Variants in KIFAP3 observed in about 807,000 individuals in gnomAD.
KIFAP3 encodes kinesin associated protein 3.
In KIFAP3, 68 loss-of-function variants were observed where a neutral mutation model predicts 106.5. That is an observed-to-expected ratio of 0.64 (90% CI 0.53 to 0.78). The LOEUF (loss-of-function observed/expected upper bound fraction) is 0.78. Ranked by LOEUF, KIFAP3 falls within the 30% of genes least tolerant of loss-of-function variation. The pLI, the probability that KIFAP3 is intolerant of heterozygous loss-of-function variation, is 0.00. For missense variants in KIFAP3, 780 were observed against 941.8 expected, an observed-to-expected ratio of 0.83 and a Z score of 2.25; for synonymous variants, 320 against 311.5, an observed-to-expected ratio of 1.03 and a Z score of -0.29.
At chr1:169,948,719 T>G (rs1664575838) in intron 19 of KIFAP3, among the ~76,000 whole-genome samples, 1 of 152,020 alleles carries the variant, frequency 6.6e-6, no homozygotes, top group African/African-American at 2.4e-5. Flanking sequence ...GAAGGAATTT[T>G]GCAGGCATAT....
At chr1:170,043,963 C>A (rs757287251) in intron 3 of KIFAP3, among the ~76,000 whole-genome samples, 1 of 151,946 alleles carries the variant, frequency 6.6e-6, no homozygotes, top group Non-Finnish European at 1.5e-5. Flanking sequence ...GAAAACTGAC[C>A]AAAAACTGCC....
At chr1:169,990,770 T>A (rs1356623542) in intron 11 of KIFAP3, among the ~76,000 whole-genome samples, 1 of 152,090 alleles carries the variant, frequency 6.6e-6, no homozygotes, top group Non-Finnish European at 1.5e-5. Flanking sequence ...GGACAGATAT[T>A]TATTTAGGTC....
chr1:170,035,966 A>G (rs1196254411), intron 5 of KIFAP3, among the ~76,000 whole-genome samples: 1 of 152,004 alleles, frequency 6.6e-6, no homozygotes, highest in Non-Finnish European at 1.5e-5. Context: ...ATAAGTCTAG[A>G]AAAAAATGAG....
intron 16 of KIFAP3, among the ~76,000 whole-genome samples, chr1:169,977,244 C>T (rs1168664265): frequency 6.6e-6 from 1 of 152,102 alleles, no homozygotes; most frequent in Non-Finnish European, 1.5e-5. Context: ...GCTTAAGAGG[C>T]TGTGTAGATG....
rs1371974744 is a variant in KIFAP3 at position 169,941,610 on chromosome 1, T to C, written c.2273+12401A>G. Among the ~76,000 whole-genome samples the C allele has an allele frequency of 2.0e-5, 3 of 152,152 alleles. No homozygotes were observed. In the East Asian group the frequency reaches 5.8e-4, roughly 29 times the overall value. ...GCTGATTTCCTTTTTTGATTTATTTTATAAAATTTCATATTTCCATATATA... is the reference window on the plus strand; with the variant it reads ...GCTGATTTCCTTTTTTGATTTATTTCATAAAATTTCATATTTCCATATATA... On this transcript the variant is annotated intron_variant, in intron 19 of 19. Transcript: ENST00000361580.
intron 19 of KIFAP3, among the ~76,000 whole-genome samples, chr1:169,925,259 T>C (rs1663073438): frequency 6.6e-6 from 1 of 152,012 alleles, no homozygotes; most frequent in Admixed American, 6.6e-5. Flanking sequence ...GACCTTTGAA[T>C]CACCAAAATA....
chr1:170,030,182 C>A (rs1669327232), intron 8 of KIFAP3, among the ~76,000 whole-genome samples: 1 of 151,718 alleles, frequency 6.6e-6, no homozygotes, highest in Admixed American at 6.6e-5. Flanking sequence ...AAAATTTCTG[C>A]AAATCATGTA....
At chr1:170,063,780 C>T (rs188181500) in intron 1 of KIFAP3, among the ~76,000 whole-genome samples, 9 of 152,234 alleles carry the variant, frequency 5.9e-5, no homozygotes, top group East Asian at 1.9e-4. Context: ...CTCAGTATTG[C>T]GGGACCTTTC....
chr1:170,082,441 T>G (rs578250167), intron 1 of KIFAP3, among the ~76,000 whole-genome samples: 17 of 152,338 alleles, frequency 1.1e-4, no homozygotes, highest in Non-Finnish European at 2.1e-4. Flanking sequence ...GTGGATAGAC[T>G]GCAGCCAGGC....
intron 11 of KIFAP3, among the ~76,000 whole-genome samples, chr1:169,991,301 G>A (rs141713163): frequency 6.6e-6 from 1 of 151,462 alleles, no homozygotes; most frequent in East Asian, 2.0e-4. Context: ...AGCTATGACT[G>A]TACCACTGAA....
At chr1:170,037,399 T>C (rs1669743510) in intron 5 of KIFAP3, among the ~76,000 whole-genome samples, 1 of 152,128 alleles carries the variant, frequency 6.6e-6, no homozygotes. Flanking sequence ...TATTTTGTTT[T>C]TGGCAAATGT....
chr1:169,973,797 C>A (rs924571024), intron 16 of KIFAP3, among the ~76,000 whole-genome samples: 2 of 151,724 alleles, frequency 1.3e-5, no homozygotes, highest in South Asian at 2.1e-4. Context: ...CATTTATTAT[C>A]CATAGATAAT....
chr1:169,968,658 A>T, intron 17 of KIFAP3, among the ~76,000 whole-genome samples: 1 of 152,038 alleles, frequency 6.6e-6, no homozygotes, highest in Non-Finnish European at 1.5e-5. Context: ...ATACATAATA[A>T]AGTTGATTTT....
chr1:170,034,816 A>G (rs1669594934), intron 6 of KIFAP3, among the ~76,000 whole-genome samples: 1 of 151,966 alleles, frequency 6.6e-6, no homozygotes, highest in Non-Finnish European at 1.5e-5. Context: ...TAATGTAGCA[A>G]TACTAGACAT....
chr1:170,004,187 C>G (rs1377357329), intron 10 of KIFAP3, among the ~76,000 whole-genome samples: 1 of 150,710 alleles, frequency 6.6e-6, no homozygotes, highest in Non-Finnish European at 1.5e-5. Context: ...CTACAAACCA[C>G]TGCTCAGTGA....
intron 19 of KIFAP3, among the ~76,000 whole-genome samples, chr1:169,941,504 T>C (rs865981721): frequency 2.0e-5 from 3 of 149,182 alleles, no homozygotes; most frequent in South Asian, 2.2e-4. Context: ...ATTTTGATTT[T>C]TATGAGGATG....
intron 5 of KIFAP3, 73 bp downstream of exon 5, chr1:170,038,217 G>C: frequency 8.6e-7 from 1 of 1,158,822 alleles, no homozygotes; most frequent in South Asian, 1.7e-5. Flanking sequence ...GAAAATATAT[G>C]AAGTCTTAAG....
chr1:169,997,106 T>G (rs1487511388), intron 10 of KIFAP3, among the ~76,000 whole-genome samples: 1 of 152,192 alleles, frequency 6.6e-6, no homozygotes, highest in South Asian at 2.1e-4. Flanking sequence ...GGCTGACAGC[T>G]CAGGCTCTGG....
chr1:170,067,286 G>C (rs1002052167), intron 1 of KIFAP3, among the ~76,000 whole-genome samples: 6 of 152,096 alleles, frequency 3.9e-5, no homozygotes, highest in African/African-American at 1.2e-4. Flanking sequence ...TATATGAAAA[G>C]ATAATGGCTA....
Sources: gnomAD v4.1 joint callset for allele counts (sites outside exome capture counted in the v4.1 genomes callset) on GRCh38, gnomAD v4.1.1 for gene constraint, MANE v1.5 for transcripts, NCBI Gene and HGNC (gene_info 2026-07-23, HGNC 2026-07-21) for gene names.